ZNF185: variants seen among roughly 807,000 people sequenced by gnomAD.
ZNF185 encodes the protein zinc finger protein 185 with LIM domain, also known as zinc finger protein 185.
ZNF185 carries 56 observed loss-of-function variants against 58.6 expected under a neutral mutation model. That is an observed-to-expected ratio of 0.95 (90% CI 0.77 to 1.19). ZNF185 has a LOEUF of 1.19. Ranked by LOEUF, ZNF185 falls within the 50% of genes most tolerant of loss-of-function variation. The pLI, the probability that ZNF185 is intolerant of heterozygous loss-of-function variation, is 0.00. For synonymous variants in ZNF185, 230 were observed against 215.9 expected (o/e 1.07, Z -0.57); for missense variants, 627 against 573.5 (o/e 1.09, Z -0.95).
exon 19 of ZNF185, chrX:152,965,483 T>G (rs1556913856): frequency 5.0e-6 from 6 of 1,189,503 alleles, no homozygotes; most frequent in Non-Finnish European, 6.8e-6. Flanking sequence ...ACGTGAATGC[T>G]AGTGAAGTGT....
chrX:152,970,648 T>G (rs2050586012), intron 22 of ZNF185, 107 bp downstream of exon 24: 2 of 666,318 alleles, frequency 3.0e-6, no homozygotes, highest in Admixed American at 5.9e-5. Flanking sequence ...CTATCTTTCT[T>G]GGCTCTTCCT....
At chrX:152,940,975 C>T (rs956262132) in intron 15 of ZNF185, among the ~76,000 whole-genome samples, 68 of 112,137 alleles carry the variant, frequency 6.1e-4, no homozygotes, top group Middle Eastern at 4.6e-3. Context: ...TGACCTTCCC[C>T]TTTCTCATCA....
chrX:152,936,298 C>A, intron 14 of ZNF185, 120 bp from the exon 16 acceptor site: 1 of 540,230 alleles, frequency 1.9e-6, no homozygotes. Context: ...CCTCAAGCAT[C>A]CATTTGAGCA....
chrX:152,953,135 C>A (rs1556901524), intron 16 of ZNF185, among the ~76,000 whole-genome samples: 1 of 111,144 alleles, frequency 9.0e-6, no homozygotes. Flanking sequence ...AACAATGAGG[C>A]CTCACAAAAG....
chrX:152,922,178 A>G, exon 10 of ZNF185: 6 of 1,194,430 alleles, frequency 5.0e-6, no homozygotes, highest in Non-Finnish European at 6.8e-6. Context: ...CAAAGGGTGG[A>G]GGTGGTGGAA....
At chrX:152,956,538 A>G (rs782384488) in intron 16 of ZNF185, among the ~76,000 whole-genome samples, 3 of 111,927 alleles carry the variant, frequency 2.7e-5, no homozygotes, top group Admixed American at 9.5e-5. Context: ...CAGGAGTTCA[A>G]GAGCAGCCTG....
At chrX:152,972,215 C>CA (rs1369620326) in exon 23 of ZNF185, 1 of 112,140 alleles carries the variant, frequency 8.9e-6, no homozygotes, top group Non-Finnish European at 1.9e-5. Context: ...TATTGGAACT[C>CA]AGAGAGGTGG....
intron 14 of ZNF185, among the ~76,000 whole-genome samples, chrX:152,935,238 CTTT>C (rs61588750): frequency 2.1e-5 from 2 of 97,224 alleles, no homozygotes; most frequent in Non-Finnish European, 2.1e-5. Flanking sequence ...ATTGTTTTTC[CTTT>C]TTTTTTTTTT....
At chrX:152,959,639 A>G in intron 16 of ZNF185, 60 bp from the exon 19 acceptor site, 3 of 1,124,542 alleles carry the variant, frequency 2.7e-6, no homozygotes, top group Non-Finnish European at 2.4e-6. Flanking sequence ...CCTACCTGCC[A>G]TGGGAGAACA....
the ZNF185 span, among the ~76,000 whole-genome samples, chrX:152,901,496 G>A: frequency 1.8e-5 from 2 of 109,113 alleles, no homozygotes; most frequent in African/African-American, 6.7e-5. Context: ...TGTACGAATC[G>A]TGCAGAGAAC....
intron 16 of ZNF185, 102 bp downstream of exon 18, chrX:152,945,566 C>T (rs1556894438): frequency 7.1e-5 from 64 of 905,974 alleles, no homozygotes; most frequent in South Asian, 1.0e-4. Flanking sequence ...TGCCAATACC[C>T]GACACATTGC....
intron 13 of ZNF185, 55 bp downstream of exon 14, chrX:152,931,831 A>T (rs782223020): frequency 8.6e-6 from 9 of 1,047,992 alleles, no homozygotes; most frequent in Non-Finnish European, 1.0e-5. Context: ...GCCCACATAC[A>T]CCCAGCTGAA....
At chrX:152,969,638 G>T (rs1194693665) in intron 21 of ZNF185, among the ~76,000 whole-genome samples, 154 bp downstream of exon 23, 1 of 112,374 alleles carries the variant, frequency 8.9e-6, no homozygotes, top group Non-Finnish European at 1.9e-5. Flanking sequence ...CAGAGGCTTT[G>T]CACAACTGGG....
intron 11 of ZNF185, among the ~76,000 whole-genome samples, chrX:152,926,667 C>T (rs1940920283): frequency 2.7e-5 from 3 of 112,081 alleles, no homozygotes; most frequent in Non-Finnish European, 5.6e-5. Flanking sequence ...TCCTGGACTT[C>T]AGCTTGGACT....
At chrX:152,932,460 C>T (rs2045799662) in intron 13 of ZNF185, among the ~76,000 whole-genome samples, 1 of 112,146 alleles carries the variant, frequency 8.9e-6, no homozygotes, top group Non-Finnish European at 1.9e-5. Context: ...CAGTGAGAAC[C>T]TGGTAGCCAG....
exon 3 of ZNF185, chrX:152,915,200 C>T (rs1556864969): frequency 1.7e-6 from 2 of 1,207,920 alleles, no homozygotes; most frequent in South Asian, 1.8e-5. Context: ...GTTCCGAAGC[C>T]TAGGTAAGAG....
rs1204183429 is a variant in ZNF185, at chrX:152,926,041, T to TTTACCCGAA, written c.831-2534_831-2533insTTACCCGAA. 3.5e-4 allele frequency among the ~76,000 whole-genome samples: 39 copies of TTTACCCGAA among 112,446 alleles called. 2 individuals carry two copies. Among genetic ancestry groups the TTTACCCGAA allele is most frequent in the Non-Finnish European group, 1.9e-5 (1 of 53,237 alleles). On this transcript the variant is annotated intron_variant, in intron 11 of 22. Coordinates refer to ENST00000449285, the Ensembl canonical transcript of ZNF185. ...GGCCTGGCTGCTTTACCCGAAGCAC[T>TTTACCCGAA]GGTCAAGCTTGCCTCACCTGACCAG...
upstream of ZNF185, among the ~76,000 whole-genome samples, chrX:152,909,531 A>T (rs1423259902): frequency 4.5e-5 from 5 of 111,987 alleles, no homozygotes; most frequent in Non-Finnish European, 9.4e-5. Context: ...CTGTCCCGTC[A>T]TCTCTTCCCT....
chrX:152,905,846 C>T, the ZNF185 span, among the ~76,000 whole-genome samples: 1 of 110,477 alleles, frequency 9.1e-6, no homozygotes, highest in Non-Finnish European at 1.9e-5. Flanking sequence ...GGACTCCCCT[C>T]CCCTCCAGGG....
Sources: allele counts gnomAD v4.1 joint callset (sites outside exome capture counted in the v4.1 genomes callset), GRCh38; gene constraint gnomAD v4.1.1; transcripts MANE v1.5; gene names NCBI Gene and HGNC (gene_info 2026-07-23, HGNC 2026-07-21).